The following SCARA5 variants were observed in gnomAD, a reference collection of about 807,000 sequenced individuals.
SCARA5 encodes scavenger receptor class A member 5, also known as scavenger receptor class A, member 5 (putative).
SCARA5 carries 45 observed loss-of-function variants against 46.3 expected under a neutral mutation model. The ratio of observed to expected loss-of-function variants is 0.97; its 90% CI spans 0.76 to 1.24. SCARA5 has a LOEUF of 1.24. SCARA5 is among the 50% of genes most tolerant of loss of function. The pLI is 0.00. For missense variants in SCARA5, 680 were observed against 689.0 expected (o/e 0.99, Z 0.15); for synonymous variants, 333 against 306.5 (o/e 1.09, Z -0.90).
intron 7 of SCARA5, 70 bp from the exon 8 acceptor site, chr8:27,879,836 G>A (rs1248915284): frequency 6.8e-7 from 1 of 1,473,126 alleles, no homozygotes; most frequent in East Asian, 2.4e-5. Context: ...GGCCTTCTTT[G>A]ACTCCGCCTA....
At chr8:27,898,372 C>G (rs559858114) in intron 7 of SCARA5, among the ~76,000 whole-genome samples, 1 of 152,316 alleles carries the variant, frequency 6.6e-6, no homozygotes, top group East Asian at 1.9e-4. Context: ...CAGATCCCAT[C>G]CTCTGCACAG....
intron 7 of SCARA5, among the ~76,000 whole-genome samples, chr8:27,885,461 A>C (rs139696578): frequency 6.6e-6 from 1 of 152,248 alleles, no homozygotes; most frequent in East Asian, 1.9e-4. Context: ...GAGCCTTCTG[A>C]GGATCACGTG....
intron 3 of SCARA5, among the ~76,000 whole-genome samples, chr8:27,958,035 G>A (rs1174368765): frequency 6.6e-6 from 1 of 152,226 alleles, no homozygotes; most frequent in African/African-American, 2.4e-5. Flanking sequence ...AAAACAGGTG[G>A]TGGCTGGATT....
chr8:27,971,124 T>G (rs1017419857), intron 2 of SCARA5, among the ~76,000 whole-genome samples: 6 of 152,196 alleles, frequency 3.9e-5, no homozygotes, highest in Admixed American at 1.3e-4. Flanking sequence ...AAATATTTGT[T>G]GAGAGATTAA....
chr8:27,922,336 G>T, intron 3 of SCARA5, 91 bp from the exon 4 acceptor site: 2 of 821,944 alleles, frequency 2.4e-6, no homozygotes, highest in Non-Finnish European at 3.7e-6. Context: ...CTGGCATGCA[G>T]TAGGTGCTCA....
rs1224026831 is a variant in SCARA5, at chr8:27,892,605, C to CTTTTTTTTTTTTTT, written c.1153+12172_1153+12173insAAAAAAAAAAAAAA. On this transcript the variant is annotated intron_variant, in intron 7 of 8. Transcript: ENST00000354914. ...CAGAAGTGACCTCTCCATACCTCAC[C>CTTTTTTTTTTTTTT]CTTTTTTTTTTTTTTTTTTTTTGAG... Among the ~76,000 whole-genome samples, 2 of 119,788 alleles carry CTTTTTTTTTTTTTT rather than the reference C, an allele frequency of 1.7e-5. 1 individual carries two copies. 78.6% of individuals were successfully genotyped at this position (119,788 alleles called of 152,430 possible). A position where few individuals can be genotyped will look rare whatever the true frequency, so the allele number is the denominator to read the frequency against.
intron 3 of SCARA5, among the ~76,000 whole-genome samples, chr8:27,944,424 T>C (rs1408447168): frequency 1.3e-5 from 2 of 151,962 alleles, no homozygotes; most frequent in African/African-American, 4.8e-5. Context: ...TCCACAAAAA[T>C]TAAAAATGGT....
rs1806626961 is a variant in SCARA5 at position 27,870,836 on chromosome 8, C to T, written c.*1098G>A. On this transcript the variant is annotated 3_prime_UTR_variant, in exon 9 of 9. Coordinates refer to ENST00000354914, the MANE Select transcript of SCARA5 (RefSeq NM_173833.6). ...GTGTTTTCCTGACCACAGATTCACA[C>T]CTGAAGAGGCTTGGAAGATGCAAAA... 1 of 152,182 alleles carries T rather than the reference C, an allele frequency of 6.6e-6. No homozygotes were observed. Among genetic ancestry groups the T allele is most frequent in the Admixed American group, 6.5e-5 (1 of 15,286 alleles). The allele number at this position is 152,182 out of a possible 1,614,324, so 9.4% of individuals were successfully genotyped here. A position where few individuals can be genotyped will look rare whatever the true frequency, so the allele number is the denominator to read the frequency against.
At chr8:27,873,800 T>C (rs965595146) in intron 8 of SCARA5, among the ~76,000 whole-genome samples, 1 of 152,226 alleles carries the variant, frequency 6.6e-6, no homozygotes, top group African/African-American at 2.4e-5. Context: ...GGAGGGCAGA[T>C]CGTTGAGATC....
intron 3 of SCARA5, among the ~76,000 whole-genome samples, chr8:27,947,130 G>A (rs1455231543): frequency 6.6e-6 from 1 of 151,616 alleles, no homozygotes; most frequent in Non-Finnish European, 1.5e-5. Context: ...TCCTACTTCA[G>A]TCTCCCGAGG....
chr8:27,874,074 T>C (rs973579294), intron 8 of SCARA5, among the ~76,000 whole-genome samples: 1 of 152,148 alleles, frequency 6.6e-6, no homozygotes, highest in Non-Finnish European at 1.5e-5. Flanking sequence ...ACCAAATTAT[T>C]GAGGCCTCTG....
intron 3 of SCARA5, among the ~76,000 whole-genome samples, chr8:27,959,157 C>T (rs535968897): frequency 1.3e-4 from 20 of 152,214 alleles, no homozygotes; most frequent in Non-Finnish European, 2.8e-4. Context: ...CGCTTGAACC[C>T]GGGAGGCAGA....
intron 3 of SCARA5, among the ~76,000 whole-genome samples, chr8:27,934,117 C>A (rs1807819475): frequency 1.3e-5 from 2 of 152,134 alleles, no homozygotes; most frequent in Non-Finnish European, 2.9e-5. Context: ...CATATGGAAC[C>A]AAATTTCGGT....
At chr8:27,965,179 C>T (rs1179873014) in intron 3 of SCARA5, among the ~76,000 whole-genome samples, 1 of 152,198 alleles carries the variant, frequency 6.6e-6, no homozygotes, top group Non-Finnish European at 1.5e-5. Context: ...AACCTGAAGG[C>T]TCAGGCAGCA....
At chr8:27,939,827 C>T (rs1016075963) in intron 3 of SCARA5, among the ~76,000 whole-genome samples, 2 of 152,176 alleles carry the variant, frequency 1.3e-5, no homozygotes, top group African/African-American at 4.8e-5. Context: ...GATCAGGTGG[C>T]TTACTCAAGA....
At chr8:27,989,104 T>C (rs1471968747) in intron 1 of SCARA5, among the ~76,000 whole-genome samples, 1 of 138,164 alleles carries the variant, frequency 7.2e-6, no homozygotes, top group Non-Finnish European at 1.5e-5. Flanking sequence ...TTCTTTCTTC[T>C]TTTTTTTTTT....
chr8:27,914,967 G>A (rs1312033817), intron 4 of SCARA5, among the ~76,000 whole-genome samples: 1 of 152,160 alleles, frequency 6.6e-6, no homozygotes, highest in East Asian at 1.9e-4. Context: ...GGACCTGTGT[G>A]GGCTGGAATC....
At chr8:27,883,503 C>G (rs1585462021) in intron 7 of SCARA5, among the ~76,000 whole-genome samples, 1 of 152,326 alleles carries the variant, frequency 6.6e-6, no homozygotes, top group Non-Finnish European at 1.5e-5. Context: ...TCATTAGGAA[C>G]ACCAGATTCC....
At position 27,903,339 on chromosome 8, in the gene SCARA5, T is replaced by C. The variant is rs117352957; in HGVS notation, c.1153+1439A>G. 724 of 152,334 alleles carry C rather than the reference T, an allele frequency of 4.8e-3. 4 individuals carry two copies. The highest frequency in any genetic ancestry group is 7.0e-3 in the Admixed American group (107 of 15,302). 9.4% of individuals were successfully genotyped at this position (152,334 alleles called of 1,614,324 possible). On this transcript the variant is annotated intron_variant, in intron 7 of 8. Coordinates refer to ENST00000354914, the MANE Select transcript of SCARA5 (RefSeq NM_173833.6). ...GTTGAAGTGTCTGATGTGTACTGCA[T>C]GGCCAAGAGTAATCGTGTAATGATC...
Sources: gnomAD v4.1 joint callset for allele counts (sites outside exome capture counted in the v4.1 genomes callset) on GRCh38, gnomAD v4.1.1 for gene constraint, MANE v1.5 for transcripts, NCBI Gene and HGNC (gene_info 2026-07-23, HGNC 2026-07-21) for gene names.